RUFY2: variants seen among roughly 807,000 people sequenced by gnomAD.
RUFY2 encodes the protein RUN and FYVE domain containing 2.
Under a neutral mutation model 94.4 loss-of-function variants are expected in RUFY2, and 49 were observed. The observed-to-expected ratio is 0.52, with a 90% CI of 0.41 to 0.66. RUFY2 has a LOEUF of 0.66. Among genes scored for constraint, RUFY2 ranks in the 30% least tolerant of loss-of-function variants. The pLI, the probability that RUFY2 is intolerant of heterozygous loss-of-function variation, is 0.00. For synonymous variants in RUFY2, 255 were observed against 235.7 expected (o/e 1.08, Z -0.75); for missense variants, 541 against 692.8 (o/e 0.78, Z 2.46).
intron 13 of RUFY2, among the ~76,000 whole-genome samples, chr10:68,376,321 G>A (rs964024806): frequency 1.3e-5 from 2 of 149,058 alleles, no homozygotes; most frequent in African/African-American, 4.9e-5. Context: ...CAGCTACTCA[G>A]GGGGCTGAGG....
Position 68,397,123 on chromosome 10 carries a change from T to C in RUFY2, c.297-242A>G, listed in dbSNP as rs1253256785. Among the ~76,000 whole-genome samples, 3 of 152,204 alleles carry C rather than the reference T, an allele frequency of 2.0e-5. No individual in the cohort carries two copies. In the East Asian group the frequency reaches 5.8e-4, roughly 29 times the overall value. ...AGAAATGACTCTCTAAACACAGTAG[T>C]GTGTCACTTAATGATACTTTCAGAA... On this transcript the variant is annotated intron_variant, in intron 3 of 17. Transcript: ENST00000602465.
chr10:68,380,107 CCT>C (rs1491129715), intron 11 of RUFY2, among the ~76,000 whole-genome samples: 1 of 148,166 alleles, frequency 6.7e-6, no homozygotes, highest in Non-Finnish European at 1.5e-5. Flanking sequence ...CGCACACGGC[CCT>C]TTTTTTTTTT....
chr10:68,354,261 C>T (rs542826866), intron 16 of RUFY2, among the ~76,000 whole-genome samples: 4 of 152,226 alleles, frequency 2.6e-5, no homozygotes, highest in South Asian at 4.2e-4. Flanking sequence ...CCTGCAGCCT[C>T]GACCTCCCAG....
chr10:68,378,509 T>C (rs2048814946), intron 12 of RUFY2: 1 of 1,441,418 alleles, frequency 6.9e-7, no homozygotes, highest in Non-Finnish European at 9.2e-7. Flanking sequence ...ATTTAATATA[T>C]TATAAAATTG....
At chr10:68,373,789 C>T (rs984850797) in intron 13 of RUFY2, among the ~76,000 whole-genome samples, 3 of 151,822 alleles carry the variant, frequency 2.0e-5, no homozygotes, top group African/African-American at 7.3e-5. Flanking sequence ...CAAATAGCAG[C>T]AACAACAAAA....
chr10:68,381,424 T>C (rs1212478759), intron 10 of RUFY2, 25 bp from the exon 11 acceptor site: 15 of 1,595,658 alleles, frequency 9.4e-6, no homozygotes, highest in Non-Finnish European at 1.2e-5. Context: ...TATCCTCAAT[T>C]CACATGCCAC....
chr10:68,399,106 C>T (rs781703517), intron 3 of RUFY2, among the ~76,000 whole-genome samples: 13 of 151,602 alleles, frequency 8.6e-5, no homozygotes, highest in African/African-American at 1.7e-4. Flanking sequence ...TGTAGTGATA[C>T]GACCTTGGCT....
intron 2 of RUFY2, among the ~76,000 whole-genome samples, chr10:68,402,478 A>C (rs1486794516): frequency 6.6e-6 from 1 of 152,144 alleles, no homozygotes; most frequent in Non-Finnish European, 1.5e-5. Flanking sequence ...ACACGCACAA[A>C]GTAGCTTTAT....
chr10:68,379,370 A>T, intron 12 of RUFY2, 54 bp downstream of exon 12: 14 of 1,322,694 alleles, frequency 1.1e-5, no homozygotes, highest in Non-Finnish European at 1.5e-5. Context: ...GAACTGAATA[A>T]AGAAAAAGGG....
chr10:68,378,541 C>G, intron 12 of RUFY2: 2 of 1,531,116 alleles, frequency 1.3e-6, no homozygotes, highest in Non-Finnish European at 1.8e-6. Flanking sequence ...TTCATTTAGT[C>G]TGTTTAAATA....
At chr10:68,367,869 G>A (rs1299596854) in intron 13 of RUFY2, among the ~76,000 whole-genome samples, 2 of 151,738 alleles carry the variant, frequency 1.3e-5, no homozygotes, top group South Asian at 2.1e-4. Flanking sequence ...TAAAGTGCTG[G>A]GATTACAACC....
intron 2 of RUFY2, 151 bp downstream of exon 2, chr10:68,404,520 T>C (rs1385959138): frequency 1.4e-5 from 6 of 437,062 alleles, no homozygotes; most frequent in African/African-American, 2.0e-5. Flanking sequence ...TTAGAAAACA[T>C]AGTCATAAGA....
rs769889282 is a variant in RUFY2, at chr10:68,395,186, A to G, written c.399-735T>C. On this transcript the variant is annotated intron_variant, in intron 4 of 17. Coordinates refer to ENST00000602465, the MANE Select transcript of RUFY2 (RefSeq NM_001330103.2). Reference sequence around the variant, plus strand: ...AACCTCATCTCTACTAAAACTACAAAAATTAGCCAGGCGTGGTGGCACACG... The same window carrying G: ...AACCTCATCTCTACTAAAACTACAAGAATTAGCCAGGCGTGGTGGCACACG... Among the ~76,000 whole-genome samples, 12 of 151,942 alleles carry G rather than the reference A, an allele frequency of 7.9e-5. 1 individual carries two copies. The highest frequency in any genetic ancestry group is 2.6e-4 in the Admixed American group (4 of 15,254).
intron 16 of RUFY2, among the ~76,000 whole-genome samples, chr10:68,351,889 T>C (rs1344417685): frequency 6.6e-6 from 1 of 151,420 alleles, no homozygotes; most frequent in Non-Finnish European, 1.5e-5. Flanking sequence ...AAACCCTATC[T>C]CTACTAAATA....
intron 13 of RUFY2, among the ~76,000 whole-genome samples, chr10:68,364,375 T>C (rs768133246): frequency 1.3e-5 from 2 of 152,192 alleles, no homozygotes; most frequent in Non-Finnish European, 2.9e-5. Flanking sequence ...TATACATAAA[T>C]ATTGCATAAG....
chr10:68,347,275 AC>A (rs1299071979), intron 16 of RUFY2, among the ~76,000 whole-genome samples: 3 of 121,864 alleles, frequency 2.5e-5, no homozygotes, highest in African/African-American at 8.8e-5. Flanking sequence ...TGACAACTTG[AC>A]CCTTTTTTTT....
intron 15 of RUFY2, among the ~76,000 whole-genome samples, chr10:68,359,136 T>C (rs1037431045): frequency 6.6e-6 from 1 of 151,848 alleles, no homozygotes; most frequent in African/African-American, 2.4e-5. Context: ...CCCAACCCTT[T>C]GGGAGGCCAA....
intron 13 of RUFY2, among the ~76,000 whole-genome samples, chr10:68,366,870 A>AATAT (rs58252520): frequency 8.5e-4 from 116 of 136,578 alleles, no homozygotes; most frequent in East Asian, 4.2e-3. Flanking sequence ...ATATTAAATA[A>AATAT]ATATATATAT....
rs564826721 is a variant in RUFY2, at chr10:68,384,048, T to G, written c.822+3A>C. 27 of 1,610,190 alleles carry G rather than the reference T, an allele frequency of 1.7e-5. No homozygotes were observed. Among genetic ancestry groups the G allele is most frequent in the Non-Finnish European group, 2.2e-5 (26 of 1,177,530 alleles). On this transcript the variant is annotated splice_donor_region_variant and intron_variant, in intron 9 of 17. Coordinates refer to ENST00000602465, the MANE Select transcript of RUFY2 (RefSeq NM_001330103.2). Reference sequence around the variant, plus strand: ...TGTCTGCTTGAAAGCAGTCTATACTTACCTCTAGGTGCTGCTGTGTTTTCA... The same window carrying G: ...TGTCTGCTTGAAAGCAGTCTATACTGACCTCTAGGTGCTGCTGTGTTTTCA...
Sources: gnomAD v4.1 joint callset for allele counts (sites outside exome capture counted in the v4.1 genomes callset) on GRCh38, gnomAD v4.1.1 for gene constraint, MANE v1.5 for transcripts, NCBI Gene and HGNC (gene_info 2026-07-23, HGNC 2026-07-21) for gene names.